LINGO2: variants seen among roughly 807,000 people sequenced by gnomAD.
LINGO2 encodes the protein leucine rich repeat and Ig domain containing 2.
LINGO2 carries 14 observed loss-of-function variants against 30.6 expected under a neutral mutation model. The observed-to-expected ratio is 0.46, with a 90% CI of 0.30 to 0.72. The LOEUF is 0.72. LINGO2 is among the 30% of genes least tolerant of loss of function. The pLI, the probability that LINGO2 is intolerant of heterozygous loss-of-function variation, is 0.07. For missense variants in LINGO2, 729 were observed against 751.7 expected, an observed-to-expected ratio of 0.97 and a Z score of 0.35; for synonymous variants, 317 against 288.5, an observed-to-expected ratio of 1.10 and a Z score of -1.00.
chr9:28,140,998 G>A (rs1457779238), intron 4 of LINGO2, among the ~76,000 whole-genome samples: 1 of 151,304 alleles, frequency 6.6e-6, no homozygotes, highest in East Asian at 1.9e-4. Flanking sequence ...TAAAATTACA[G>A]TTCATATTGA....
the LINGO2 span, among the ~76,000 whole-genome samples, chr9:28,814,793 T>G: frequency 6.7e-6 from 1 of 148,992 alleles, no homozygotes; most frequent in African/African-American, 2.4e-5. Flanking sequence ...TCCCTCTCTC[T>G]CTCACACACA....
chr9:28,480,971 T>C (rs1236839581), intron 1 of LINGO2, among the ~76,000 whole-genome samples: 3 of 152,108 alleles, frequency 2.0e-5, no homozygotes, highest in Non-Finnish European at 2.9e-5. Flanking sequence ...TTTTCATACA[T>C]CAATTTTGTT....
chr9:28,804,118 T>C, the LINGO2 span, among the ~76,000 whole-genome samples: 1 of 152,086 alleles, frequency 6.6e-6, no homozygotes, highest in African/African-American at 2.4e-5. Flanking sequence ...CTTATTCTCT[T>C]TTCTTCTCTA....
At chr9:28,703,240 T>C in the LINGO2 span, among the ~76,000 whole-genome samples, 6 of 152,024 alleles carry the variant, frequency 3.9e-5, no homozygotes, top group South Asian at 1.2e-3. Context: ...TTTTCTTTTC[T>C]AAACTATATT....
At chr9:28,380,852 A>T (rs1037680248) in intron 2 of LINGO2, among the ~76,000 whole-genome samples, 1 of 152,118 alleles carries the variant, frequency 6.6e-6, no homozygotes, top group African/African-American at 2.4e-5. Flanking sequence ...AGAGAAGCAG[A>T]CATGAATGTG....
At chr9:28,676,015 G>C in the LINGO2 span, among the ~76,000 whole-genome samples, 1 of 146,696 alleles carries the variant, frequency 6.8e-6, no homozygotes, top group Non-Finnish European at 1.5e-5. Flanking sequence ...ATGAAATCTA[G>C]CTGTTTCAAT....
chr9:28,498,540 C>G (rs921343565), intron 1 of LINGO2, among the ~76,000 whole-genome samples: 3 of 152,144 alleles, frequency 2.0e-5, no homozygotes, highest in African/African-American at 7.2e-5. Context: ...ACCCCATTTT[C>G]CAGGTGCTGT....
chr9:28,725,925 G>A, the LINGO2 span, among the ~76,000 whole-genome samples: 101 of 152,054 alleles, frequency 6.6e-4, 1 homozygote, highest in Non-Finnish European at 7.1e-4. Context: ...GGGTTAAAGA[G>A]TTGGATTTTT....
chr9:28,584,727 G>A (rs1324244425), intron 1 of LINGO2, among the ~76,000 whole-genome samples: 1 of 152,006 alleles, frequency 6.6e-6, no homozygotes, highest in Non-Finnish European at 1.5e-5. Flanking sequence ...TCACTAGCTT[G>A]AGAACATGCA....
chr9:29,039,198 C>T, the LINGO2 span, among the ~76,000 whole-genome samples: 2 of 152,102 alleles, frequency 1.3e-5, no homozygotes, highest in Non-Finnish European at 2.9e-5. Context: ...ACAATTGAAA[C>T]ACCCCAAATC....
intron 2 of LINGO2, among the ~76,000 whole-genome samples, chr9:28,428,889 A>G (rs1298499936): frequency 1.3e-5 from 2 of 152,138 alleles, no homozygotes; most frequent in African/African-American, 2.4e-5. Flanking sequence ...TAAGTGGTAA[A>G]CTTTTAGTGC....
chr9:28,448,819 G>A (rs961043168), intron 2 of LINGO2, among the ~76,000 whole-genome samples: 1 of 151,610 alleles, frequency 6.6e-6, no homozygotes, highest in Admixed American at 6.6e-5. Flanking sequence ...AGTGTGATGA[G>A]AGAGTGCAGC....
chr9:28,601,639 C>T (rs1447168582), intron 1 of LINGO2, among the ~76,000 whole-genome samples: 1 of 151,930 alleles, frequency 6.6e-6, no homozygotes, highest in Non-Finnish European at 1.5e-5. Context: ...CTTTATTATA[C>T]CATTTCACAT....
At chr9:29,197,612 A>G in the LINGO2 span, among the ~76,000 whole-genome samples, 2 of 152,018 alleles carry the variant, frequency 1.3e-5, no homozygotes, top group East Asian at 3.9e-4. Context: ...AAATGCAGCA[A>G]CTCCTTTCAA....
At chr9:28,667,024 C>A (rs1162151300) in intron 1 of LINGO2, among the ~76,000 whole-genome samples, 1 of 152,048 alleles carries the variant, frequency 6.6e-6, no homozygotes. Flanking sequence ...GGCTATTTCT[C>A]CACATAAAAG....
At chr9:28,602,008 T>A (rs1490698905) in intron 1 of LINGO2, among the ~76,000 whole-genome samples, 1 of 152,032 alleles carries the variant, frequency 6.6e-6, no homozygotes, top group Non-Finnish European at 1.5e-5. Context: ...AAGAAACAGA[T>A]TCTAAAGTAC....
At chr9:28,874,478 G>A in the LINGO2 span, among the ~76,000 whole-genome samples, 5 of 151,890 alleles carry the variant, frequency 3.3e-5, no homozygotes, top group African/African-American at 1.2e-4. Flanking sequence ...TTTTTGATTT[G>A]TACTGTAATT....
At chr9:27,948,681 C>T (rs1319127509) in exon 6 of LINGO2, 4 of 745,152 alleles carry the variant, frequency 5.4e-6, no homozygotes, top group Non-Finnish European at 6.7e-6. Context: ...GCCTGCCTGC[C>T]TGCCTTTCGA....
At chr9:28,466,829 C>T (rs1475871939) in intron 2 of LINGO2, among the ~76,000 whole-genome samples, 2 of 152,096 alleles carry the variant, frequency 1.3e-5, no homozygotes, top group Non-Finnish European at 2.9e-5. Context: ...AAATTGAACA[C>T]AAGGCATGAA....
Sources: gnomAD v4.1 joint callset for allele counts (sites outside exome capture counted in the v4.1 genomes callset) on GRCh38, gnomAD v4.1.1 for gene constraint, MANE v1.5 for transcripts, NCBI Gene and HGNC (gene_info 2026-07-23, HGNC 2026-07-21) for gene names.